TCHP: variants seen among roughly 807,000 people sequenced by gnomAD.
TCHP encodes the protein trichoplein keratin filament-binding protein.
Under a neutral mutation model 88.7 loss-of-function variants are expected in TCHP, and 81 were observed. That is an observed-to-expected ratio of 0.91 (90% CI 0.76 to 1.10). The LOEUF (loss-of-function observed/expected upper bound fraction) is 1.10. Ranked by LOEUF, TCHP falls within the 50% of genes least tolerant of loss-of-function variation. The pLI, the probability that TCHP is intolerant of heterozygous loss-of-function variation, is 0.00. For synonymous variants in TCHP, 232 were observed against 232.5 expected (o/e 1.00, Z 0.02); for missense variants, 641 against 632.1 (o/e 1.01, Z -0.15).
At position 109,912,997 on chromosome 12, in the gene TCHP, G is replaced by A. The variant is rs770178049; in HGVS notation, c.1059G>A (p.Glu353=). 1.2e-6 allele frequency: 2 copies of A among 1,613,828 alleles called. No homozygotes were observed. Among genetic ancestry groups the A allele is most frequent in the Admixed American group, 3.3e-5 (2 of 60,006 alleles). The stretch of plus-strand genomic sequence containing the variant: ...CCCTTTTGTGTTTGCCCAGGGAGGA[G>A]GCCAAGGAGATGTGGGAAAAGAGAG... The part of the protein sequence containing the change: ...EAELQMLLRE[E]AKEMWEKREA... Residue 353 remains glutamate, a synonymous_variant, in exon 10 of 13, where the codon GAG becomes GAA. Transcript: ENST00000405876.
upstream of TCHP, chr12:109,900,219 G>C (rs1444361792): frequency 6.6e-6 from 1 of 152,290 alleles, no homozygotes; most frequent in African/African-American, 2.4e-5. Flanking sequence ...CGGGGCACCA[G>C]AGAAAAACAC....
At chr12:109,898,130 T>TG (rs1040927288), upstream of TCHP, among the ~76,000 whole-genome samples, 8 of 152,178 alleles carry the variant, frequency 5.3e-5, no homozygotes, top group African/African-American at 1.4e-4. Context: ...TGGGCTCACC[T>TG]GGGATGCACT....
At chr12:109,894,740 G>C in the TCHP span, among the ~76,000 whole-genome samples, 2 of 147,724 alleles carry the variant, frequency 1.4e-5, no homozygotes, top group Non-Finnish European at 3.0e-5. Flanking sequence ...ACTCCAGCCT[G>C]GGCAACAAGA....
At chr12:109,896,355 CT>C (rs1380677040), upstream of TCHP, among the ~76,000 whole-genome samples, 1 of 152,184 alleles carries the variant, frequency 6.6e-6, no homozygotes, top group Non-Finnish European at 1.5e-5. Flanking sequence ...CTTTTATAGT[CT>C]TTGCTGTGTG....
chr12:109,909,333 G>A (rs1124396), intron 8 of TCHP, among the ~76,000 whole-genome samples: 28,658 of 152,138 alleles, frequency 0.19, 4,967 homozygotes, highest in African/African-American at 0.47. Context: ...TACTTAAAAA[G>A]CAGCACAACA....
chr12:109,886,387 C>T, the TCHP span, among the ~76,000 whole-genome samples: 6 of 152,260 alleles, frequency 3.9e-5, no homozygotes, highest in Non-Finnish European at 7.4e-5. Context: ...ATCGACCCAC[C>T]TCAGCCTCCC....
At chr12:109,901,900 C>T (rs1869820575) in intron 1 of TCHP, among the ~76,000 whole-genome samples, 1 of 152,168 alleles carries the variant, frequency 6.6e-6, no homozygotes, top group Non-Finnish European at 1.5e-5. Flanking sequence ...CAAACTGTGG[C>T]GTTTCTCTAA....
At chr12:109,884,991 C>T in the TCHP span, among the ~76,000 whole-genome samples, 11 of 152,176 alleles carry the variant, frequency 7.2e-5, no homozygotes, top group South Asian at 4.1e-4. Context: ...TTTTTTGAGA[C>T]GGAGTCTCAC....
At chr12:109,909,690 C>T (rs1317974720) in intron 8 of TCHP, among the ~76,000 whole-genome samples, 6 of 151,946 alleles carry the variant, frequency 3.9e-5, no homozygotes, top group Non-Finnish European at 7.4e-5. Context: ...CATGGCCGGG[C>T]GTGGCGGCTC....
At chr12:109,909,910 A>G (rs2136076954) in intron 8 of TCHP, among the ~76,000 whole-genome samples, 1 of 152,318 alleles carries the variant, frequency 6.6e-6, no homozygotes, top group East Asian at 1.9e-4. Flanking sequence ...GGTTGCAATA[A>G]GCTGAGATCA....
chr12:109,884,771 T>C, the TCHP span, among the ~76,000 whole-genome samples: 2 of 152,246 alleles, frequency 1.3e-5, no homozygotes, highest in Non-Finnish European at 2.9e-5. Context: ...GTTTCCTTCC[T>C]GAACCATCTG....
At chr12:109,914,852 C>T (rs1045039310) in intron 11 of TCHP, 1 of 502,784 alleles carries the variant, frequency 2.0e-6, no homozygotes. Flanking sequence ...TGTCTGTTCT[C>T]TTTACTCTGT....
In TCHP at chr12:109,907,612, T is replaced by C. The variant is rs2136073697; in HGVS notation, c.612T>C (p.Ala204=). ...GGGAGGCGCTAGAAAGGATGAAAGC[T>C]GAAGAGGAGAGGAGGCAGCTGGAGG... ...ARREALERMK[A]EEERRQLEDK... is the part of the protein sequence containing the mutation. Residue 204 remains alanine (A), a synonymous_variant, in exon 6 of 13, where the codon GCT becomes GCC. Transcript: ENST00000405876. 6.2e-7 allele frequency: 1 copy of C among 1,614,052 alleles called. No homozygotes were observed. Among genetic ancestry groups the C allele is most frequent in the South Asian group, 1.1e-5 (1 of 91,068 alleles).
chr12:109,899,540 A>AG (rs1361347585), upstream of TCHP, among the ~76,000 whole-genome samples: 12 of 152,252 alleles, frequency 7.9e-5, no homozygotes, highest in Middle Eastern at 3.4e-3. Context: ...CGGTAGGCTG[A>AG]GGCAGGGTAA....
At chr12:109,891,752 T>G in the TCHP span, among the ~76,000 whole-genome samples, 1 of 151,506 alleles carries the variant, frequency 6.6e-6, no homozygotes, top group Non-Finnish European at 1.5e-5. Flanking sequence ...TCGCCCAGGC[T>G]GGCGTGCACT....
chr12:109,915,947 C>T (rs1339141441), intron 12 of TCHP, among the ~76,000 whole-genome samples: 2 of 152,128 alleles, frequency 1.3e-5, no homozygotes, highest in East Asian at 1.9e-4. Flanking sequence ...CTCCCTCCCT[C>T]CTGTGGGTGT....
the TCHP span, among the ~76,000 whole-genome samples, chr12:109,889,434 C>T: frequency 1.3e-5 from 2 of 148,756 alleles, no homozygotes; most frequent in Non-Finnish European, 3.0e-5. Flanking sequence ...CTGCACTGCA[C>T]TCCAGCCTGG....
chr12:109,883,547 A>T, the TCHP span, among the ~76,000 whole-genome samples: 1 of 151,882 alleles, frequency 6.6e-6, no homozygotes, highest in African/African-American at 2.4e-5. Flanking sequence ...ACCCAACCTC[A>T]CTACCTCGAG....
At chr12:109,899,010 G>A (rs1869642196), upstream of TCHP, among the ~76,000 whole-genome samples, 1 of 151,984 alleles carries the variant, frequency 6.6e-6, no homozygotes, top group Admixed American at 6.6e-5. Flanking sequence ...GCAGAGACGG[G>A]GTTTCATCAT....
Sources: gnomAD v4.1 joint callset for allele counts (sites outside exome capture counted in the v4.1 genomes callset) on GRCh38, gnomAD v4.1.1 for gene constraint, MANE v1.5 for transcripts, NCBI Gene and HGNC (gene_info 2026-07-23, HGNC 2026-07-21) for gene names.